The following RNF2 variants were observed in gnomAD, a reference collection of about 807,000 sequenced individuals.
The protein encoded by RNF2 is E3 ubiquitin-protein ligase RING2.
In RNF2, 6 loss-of-function variants were observed where a neutral mutation model predicts 37.2. That is an observed-to-expected ratio of 0.16 (90% confidence interval 0.09 to 0.32). The LOEUF is 0.32. RNF2 is among the 10% of genes least tolerant of loss of function. RNF2 has a pLI of 1.00. For synonymous variants in RNF2, 133 were observed against 132.7 expected (o/e 1.00, Z -0.02); for missense variants, 251 against 404.0 (o/e 0.62, Z 3.25).
chr1:185,070,414 A>G (rs998577831), intron 1 of RNF2, among the ~76,000 whole-genome samples: 4 of 152,166 alleles, frequency 2.6e-5, no homozygotes, highest in Non-Finnish European at 4.4e-5. Context: ...AGGGATCCCT[A>G]AAATAGTTCT....
intron 1 of RNF2, among the ~76,000 whole-genome samples, chr1:185,047,878 A>G (rs979800971): frequency 3.9e-5 from 6 of 152,214 alleles, no homozygotes; most frequent in Non-Finnish European, 5.9e-5. Flanking sequence ...TCATCAGACA[A>G]TGGTTAATTT....
rs71555455 is a variant in RNF2, at chr1:185,085,145, C to CTTTTTTTT, written c.-2-2393_-2-2386dup. ...CCATATTTGACCCTTCTTTCTTTTT[C>CTTTTTTTT]TTTTTTTTTTTTTTTTTTTTTGAGA... On this transcript the variant is annotated intron_variant, in intron 1 of 6. Coordinates refer to ENST00000367510, the MANE Select transcript of RNF2 (RefSeq NM_007212.4). Among the ~76,000 whole-genome samples, 529 of 103,152 alleles carry CTTTTTTTT rather than the reference C, an allele frequency of 5.1e-3. 8 individuals carry two copies. Among genetic ancestry groups the CTTTTTTTT allele is most frequent in the Non-Finnish European group, 6.0e-3 (328 of 54,482 alleles). 67.7% of individuals were successfully genotyped at this position (103,152 alleles called of 152,430 possible).
At chr1:185,088,216 A>G (rs144217978) in intron 2 of RNF2, among the ~76,000 whole-genome samples, 8 of 152,308 alleles carry the variant, frequency 5.3e-5, no homozygotes, top group Non-Finnish European at 1.0e-4. Flanking sequence ...TGAGCAGAGG[A>G]CCTATAACTT....
At chr1:185,086,299 A>T (rs1651599261) in intron 1 of RNF2, among the ~76,000 whole-genome samples, 1 of 152,084 alleles carries the variant, frequency 6.6e-6, no homozygotes, top group Admixed American at 6.5e-5. Flanking sequence ...CTAGTGAGAA[A>T]TATTTACTAA....
intron 4 of RNF2, among the ~76,000 whole-genome samples, chr1:185,096,235 C>A (rs951530372): frequency 6.6e-6 from 1 of 152,076 alleles, no homozygotes; most frequent in African/African-American, 2.4e-5. Context: ...CCCGTTCATA[C>A]CTTTTTTTCA....
chr1:185,070,638 C>CTTT (rs893631238), intron 1 of RNF2, among the ~76,000 whole-genome samples: 3 of 129,736 alleles, frequency 2.3e-5, no homozygotes, highest in East Asian at 2.3e-4. Context: ...ATTTTCTTTT[C>CTTT]TTTTTTTTTT....
At chr1:185,075,648 A>C (rs1039346929) in intron 1 of RNF2, among the ~76,000 whole-genome samples, 2 of 152,188 alleles carry the variant, frequency 1.3e-5, no homozygotes, top group Admixed American at 1.3e-4. Context: ...CAGGTCCTAC[A>C]TGTCTGGAGC....
At chr1:185,057,708 GAGTGTCTAAGGATCCACA>G (rs1650474749) in intron 1 of RNF2, among the ~76,000 whole-genome samples, 1 of 151,892 alleles carries the variant, frequency 6.6e-6, no homozygotes, top group Admixed American at 6.6e-5. Flanking sequence ...TTCAGTCCAG[GAGTGTCTAAGGATCCACA>G]AATACAGTCA....
intron 1 of RNF2, among the ~76,000 whole-genome samples, chr1:185,059,210 C>T (rs867703675): frequency 6.8e-6 from 1 of 146,828 alleles, no homozygotes; most frequent in Non-Finnish European, 1.5e-5. Context: ...TAGAAGTCTC[C>T]TGAATCCCAG....
Position 185,064,927 on chromosome 1 carries a change from A to G in RNF2, c.-3+19278A>G, listed in dbSNP as rs77087412. Among the ~76,000 whole-genome samples the G allele has an allele frequency of 9.2e-3, 1,399 of 151,992 alleles. 14 individuals carry two copies. The highest frequency in any genetic ancestry group is 0.032 in the African/African-American group (1,323 of 41,442). On this transcript the variant is annotated intron_variant, in intron 1 of 6. Coordinates refer to ENST00000367510, the MANE Select transcript of RNF2 (RefSeq NM_007212.4). Reference sequence around the variant, plus strand: ...CTGATTGTTTTGTTTTTTTCTTGCAACGTTGCTGAATTCATTTATTCAGCT... The same window carrying G: ...CTGATTGTTTTGTTTTTTTCTTGCAGCGTTGCTGAATTCATTTATTCAGCT...
At chr1:185,055,780 A>G (rs1650414371) in intron 1 of RNF2, among the ~76,000 whole-genome samples, 1 of 152,224 alleles carries the variant, frequency 6.6e-6, no homozygotes, top group African/African-American at 2.4e-5. Flanking sequence ...TTTTAAAAAT[A>G]TACTTGGTAA....
At chr1:185,085,746 C>T (rs527678064) in intron 1 of RNF2, among the ~76,000 whole-genome samples, 4 of 152,104 alleles carry the variant, frequency 2.6e-5, no homozygotes, top group South Asian at 2.1e-4. Flanking sequence ...CTCTGCCTCC[C>T]GGGTTCAAGC....
intron 4 of RNF2, among the ~76,000 whole-genome samples, chr1:185,097,188 C>T (rs1285234721): frequency 6.6e-6 from 1 of 152,120 alleles, no homozygotes; most frequent in African/African-American, 2.4e-5. Flanking sequence ...GAAGAGTAAA[C>T]AAGATTGTAT....
chr1:185,088,788 A>G (rs564984640), intron 2 of RNF2, among the ~76,000 whole-genome samples: 66 of 152,348 alleles, frequency 4.3e-4, no homozygotes, highest in African/African-American at 1.4e-3. Context: ...TGAATTTTCC[A>G]TGTGCTAATA....
At chr1:185,083,207 AT>A (rs1651480840) in intron 1 of RNF2, among the ~76,000 whole-genome samples, 1 of 152,178 alleles carries the variant, frequency 6.6e-6, no homozygotes, top group Non-Finnish European at 1.5e-5. Context: ...AGAGGATAAA[AT>A]ATCTTTTGAT....
At chr1:185,082,691 C>T (rs921733199) in intron 1 of RNF2, among the ~76,000 whole-genome samples, 2 of 152,090 alleles carry the variant, frequency 1.3e-5, no homozygotes, top group Admixed American at 6.5e-5. Flanking sequence ...CTGCCCTGTA[C>T]GTTCGTTAGC....
chr1:185,046,845 T>A (rs1186966281), intron 1 of RNF2, among the ~76,000 whole-genome samples: 2 of 152,234 alleles, frequency 1.3e-5, no homozygotes, highest in Non-Finnish European at 2.9e-5. Context: ...TTAGTCTAAT[T>A]GGTAGCTAAT....
chr1:185,046,661 C>T (rs773450870), intron 1 of RNF2, among the ~76,000 whole-genome samples: 3 of 151,996 alleles, frequency 2.0e-5, no homozygotes, highest in African/African-American at 4.8e-5. Context: ...TTTGAAGTGC[C>T]GTGAAAAGGA....
intron 1 of RNF2, among the ~76,000 whole-genome samples, chr1:185,070,649 T>TC (rs1383331823): frequency 3.3e-5 from 5 of 150,188 alleles, no homozygotes; most frequent in Non-Finnish European, 7.4e-5. Context: ...TTTTTTTTTT[T>TC]TTTTTTTGAG....
Sources: allele counts gnomAD v4.1 joint callset (sites outside exome capture counted in the v4.1 genomes callset), GRCh38; gene constraint gnomAD v4.1.1; transcripts MANE v1.5; gene names NCBI Gene and HGNC (gene_info 2026-07-23, HGNC 2026-07-21).